SMIM13: variants seen among roughly 807,000 people sequenced by gnomAD.
SMIM13 encodes UPF0766 protein C6orf228.
A neutral mutation model predicts 5.9 loss-of-function variants in SMIM13; 3 were observed. That is an observed-to-expected ratio of 0.51 (90% confidence interval 0.23 to 1.31). The LOEUF is 1.31. Ranked by LOEUF, SMIM13 falls within the 40% of genes most tolerant of loss-of-function variation. The pLI, the probability that SMIM13 is intolerant of heterozygous loss-of-function variation, is 0.18. For missense variants in SMIM13, 85 were observed against 109.9 expected (o/e 0.77, Z 1.01); for synonymous variants, 55 against 46.0 (o/e 1.19, Z -0.79).
intron 1 of SMIM13, among the ~76,000 whole-genome samples, chr6:11,106,141 TTC>T (rs1400205781): frequency 1.3e-5 from 2 of 152,210 alleles, no homozygotes; most frequent in Admixed American, 1.3e-4. Context: ...ACCATTGTCA[TTC>T]TGCAATGACC....
At chr6:11,127,994 C>T (rs1003489859) in intron 1 of SMIM13, among the ~76,000 whole-genome samples, 1 of 152,184 alleles carries the variant, frequency 6.6e-6, no homozygotes, top group Admixed American at 6.5e-5. Context: ...CATCAGGAGG[C>T]TGCTTGGTAT....
rs948730097 is a variant in SMIM13, at chr6:11,134,690, T to A, written c.*88T>A. 1 of 1,031,968 alleles carries A rather than the reference T, an allele frequency of 9.7e-7. No individual in the cohort carries two copies. 63.9% of individuals were successfully genotyped at this position (1,031,968 alleles called of 1,614,324 possible). On this transcript the variant is annotated 3_prime_UTR_variant, in exon 2 of 2. Coordinates refer to ENST00000416247, the MANE Select transcript of SMIM13 (RefSeq NM_001135575.2). ...GAAATTTACTAATGACTGAAGAACA[T>A]TTGTATTGGATTTTAAGTCGAATTT... is the stretch of plus-strand genomic sequence containing the variant.
At chr6:11,106,800 C>T (rs1051128078) in intron 1 of SMIM13, among the ~76,000 whole-genome samples, 22 of 152,328 alleles carry the variant, frequency 1.4e-4, no homozygotes, top group African/African-American at 5.3e-4. Context: ...GCACTATTGT[C>T]ACCTCCTGGG....
rs114502907 is a variant in SMIM13 at position 11,120,678 on chromosome 6, A to G, written c.77-13725A>G. On this transcript the variant is annotated intron_variant, in intron 1 of 1. Coordinates refer to ENST00000416247, the MANE Select transcript of SMIM13 (RefSeq NM_001135575.2). ...TTTGTGTTTCAGTCATACTGTCACCATGAAAATCTGAGAAATTTGATACGC... is the reference window on the plus strand; with the variant it reads ...TTTGTGTTTCAGTCATACTGTCACCGTGAAAATCTGAGAAATTTGATACGC... Among the ~76,000 whole-genome samples the G allele has an allele frequency of 7.9e-3, 1,207 of 152,334 alleles. 5 individuals carry two copies. The highest frequency in any genetic ancestry group is 0.011 in the Non-Finnish European group (762 of 68,038).
At chr6:11,105,271 G>C (rs1758068116) in intron 1 of SMIM13, 2 of 1,614,094 alleles carry the variant, frequency 1.2e-6, no homozygotes, top group Non-Finnish European at 1.7e-6. Flanking sequence ...TAGGCTGCTA[G>C]TGAAGGCGTG....
chr6:11,133,774 T>G (rs1309544424), intron 1 of SMIM13, among the ~76,000 whole-genome samples: 1 of 151,932 alleles, frequency 6.6e-6, no homozygotes, highest in Non-Finnish European at 1.5e-5. Flanking sequence ...TTAGTCATAC[T>G]TTTTAATGAC....
chr6:11,117,157 A>ATTTT (rs1341431576), intron 1 of SMIM13, among the ~76,000 whole-genome samples: 3 of 116,926 alleles, frequency 2.6e-5, no homozygotes, highest in Non-Finnish European at 5.4e-5. Flanking sequence ...CGCCCGGCTA[A>ATTTT]TTTTTGTATT....
intron 1 of SMIM13, among the ~76,000 whole-genome samples, chr6:11,127,280 A>G (rs1758389288): frequency 6.6e-6 from 1 of 152,168 alleles, no homozygotes; most frequent in African/African-American, 2.4e-5. Context: ...GGAAACTTAC[A>G]AATTTACCTG....
intron 1 of SMIM13, among the ~76,000 whole-genome samples, chr6:11,113,272 T>A (rs1301087741): frequency 2.0e-5 from 3 of 152,264 alleles, no homozygotes; most frequent in African/African-American, 7.2e-5. Flanking sequence ...AATTTGTTAC[T>A]CCGCATCCAT....
At chr6:11,100,046 T>G (rs1354933525) in intron 1 of SMIM13, among the ~76,000 whole-genome samples, 1 of 152,070 alleles carries the variant, frequency 6.6e-6, no homozygotes, top group Non-Finnish European at 1.5e-5. Context: ...GGTACATTGT[T>G]TTTTTGTTTT....
intron 1 of SMIM13, among the ~76,000 whole-genome samples, chr6:11,128,945 C>G (rs1169672399): frequency 3.3e-5 from 5 of 152,218 alleles, no homozygotes. Context: ...GACTATCTTT[C>G]CTACCCTCTT....
At chr6:11,109,729 T>G (rs556078613) in intron 1 of SMIM13, among the ~76,000 whole-genome samples, 2 of 152,248 alleles carry the variant, frequency 1.3e-5, no homozygotes, top group East Asian at 3.9e-4. Flanking sequence ...CAGGCTGTAT[T>G]ACAGAAAAAT....
At position 11,134,455 on chromosome 6, in the gene SMIM13, A is replaced by T; in HGVS notation, c.129A>T (p.Glu43Asp). ...LFLSKFKFLR[E>D]LVGDTGSQEG... is the part of the protein sequence containing the mutation. The stretch of plus-strand genomic sequence containing the variant: ...TATCAAAATTCAAGTTTCTCCGGGA[A>T]CTGGTGGGAGACACAGGATCCCAAG... The change falls in exon 2 of 2, where the codon GAA becomes GAT. Residue 43 changes from glutamate (E) to aspartate (D), a missense_variant. Physicochemically the swap from Glu to Asp is conservative, Grantham distance 45. Transcript: ENST00000416247. 6.4e-7 allele frequency: 1 copy of T among 1,551,192 alleles called. No individual in the cohort carries two copies. Among genetic ancestry groups the T allele is most frequent in the Non-Finnish European group, 8.7e-7 (1 of 1,146,688 alleles).
At chr6:11,105,073 G>A in intron 1 of SMIM13, 1 of 1,614,140 alleles carries the variant, frequency 6.2e-7, no homozygotes, top group Non-Finnish European at 8.5e-7. Context: ...TTCAGATTAG[G>A]GTCCCATCGA....
chr6:11,105,917 A>AT (rs2113645298), intron 1 of SMIM13, among the ~76,000 whole-genome samples: 1 of 152,318 alleles, frequency 6.6e-6, no homozygotes, highest in South Asian at 2.1e-4. Context: ...AAGGGGCTTA[A>AT]TTGCAAGGGA....
At chr6:11,119,402 C>G (rs1340629670) in intron 1 of SMIM13, among the ~76,000 whole-genome samples, 1 of 152,102 alleles carries the variant, frequency 6.6e-6, no homozygotes, top group African/African-American at 2.4e-5. Context: ...CGCCTGTAAT[C>G]CCAGCACTTT....
At chr6:11,106,714 G>A (rs988843156) in intron 1 of SMIM13, among the ~76,000 whole-genome samples, 1 of 152,216 alleles carries the variant, frequency 6.6e-6, no homozygotes, top group African/African-American at 2.4e-5. Context: ...TGAGATGCCT[G>A]TCTCTTTAGC....
At chr6:11,127,446 A>G (rs537593510) in intron 1 of SMIM13, among the ~76,000 whole-genome samples, 1 of 152,320 alleles carries the variant, frequency 6.6e-6, no homozygotes, top group Admixed American at 6.5e-5. Context: ...GTGTTCACTC[A>G]AGGTTCAGTG....
intron 1 of SMIM13, among the ~76,000 whole-genome samples, chr6:11,098,374 A>G (rs1055075331): frequency 6.6e-6 from 1 of 152,224 alleles, no homozygotes; most frequent in Non-Finnish European, 1.5e-5. Context: ...AACTGAGCTT[A>G]AATTGTCATA....
Sources: gnomAD v4.1 joint callset for allele counts (sites outside exome capture counted in the v4.1 genomes callset) on GRCh38, gnomAD v4.1.1 for gene constraint, MANE v1.5 for transcripts, NCBI Gene and HGNC (gene_info 2026-07-23, HGNC 2026-07-21) for gene names.